HDAC9: variants seen among roughly 807,000 people sequenced by gnomAD.
HDAC9 encodes the protein histone deacetylase 9, also known as MEF-2 interacting transcription repressor (MITR) protein.
A neutral mutation model predicts 139.4 loss-of-function variants in HDAC9; 41 were observed. The ratio of observed to expected loss-of-function variants is 0.29; its 90% CI spans 0.23 to 0.38. The LOEUF (loss-of-function observed/expected upper bound fraction) is 0.38, where lower values mean the gene tolerates loss of function less well. HDAC9 is among the 10% of genes least tolerant of loss of function. The probability of loss-of-function intolerance (pLI) is 1.00; values close to 1 mark genes in which losing one functional copy is unlikely to be tolerated. For missense variants in HDAC9, 1,147 were observed against 1,297.0 expected, an observed-to-expected ratio of 0.88 and a Z score of 1.78; for synonymous variants, 517 against 476.2, an observed-to-expected ratio of 1.09 and a Z score of -1.12.
At chr7:18,101,099 G>T (rs1782829045) in intron 1 of HDAC9, among the ~76,000 whole-genome samples, 1 of 152,072 alleles carries the variant, frequency 6.6e-6, no homozygotes, top group Non-Finnish European at 1.5e-5. Flanking sequence ...TCACATCTGT[G>T]TCCTGATCAT....
At chr7:18,288,682 C>T (rs576178160), upstream of HDAC9, among the ~76,000 whole-genome samples, 3 of 152,040 alleles carry the variant, frequency 2.0e-5, no homozygotes, top group Admixed American at 2.0e-4. Flanking sequence ...TTACAAAATA[C>T]TTGTTTTTAA....
intron 25 of HDAC9, among the ~76,000 whole-genome samples, chr7:18,979,690 G>A (rs962133389): frequency 2.6e-5 from 4 of 152,260 alleles, no homozygotes; most frequent in Non-Finnish European, 5.9e-5. Context: ...AGAGGCCTCA[G>A]GAAGCTTAAA....
At chr7:18,578,038 C>G in intron 2 of HDAC9, 1 of 450,446 alleles carries the variant, frequency 2.2e-6, no homozygotes, top group Admixed American at 2.3e-5. Flanking sequence ...TATCTCCATC[C>G]CCACCAGCTT....
intron 1 of HDAC9, among the ~76,000 whole-genome samples, chr7:18,339,617 A>G (rs1307216683): frequency 6.6e-6 from 1 of 151,514 alleles, no homozygotes; most frequent in Non-Finnish European, 1.5e-5. Flanking sequence ...TAAAAATAAC[A>G]TATTTCCTAT....
intron 1 of HDAC9, among the ~76,000 whole-genome samples, chr7:18,136,846 C>T (rs1398832526): frequency 1.3e-5 from 2 of 151,938 alleles, no homozygotes; most frequent in Non-Finnish European, 1.5e-5. Flanking sequence ...TGAAGAAAGG[C>T]ATTGGTAGCT....
intron 12 of HDAC9, among the ~76,000 whole-genome samples, chr7:18,700,406 A>G (rs1438415072): frequency 6.6e-6 from 1 of 152,168 alleles, no homozygotes; most frequent in African/African-American, 2.4e-5. Context: ...CCATTCTAGA[A>G]TTTAGTTTCC....
intron 13 of HDAC9, among the ~76,000 whole-genome samples, chr7:18,735,253 G>A (rs1164070843): frequency 6.6e-6 from 1 of 152,144 alleles, no homozygotes; most frequent in African/African-American, 2.4e-5. Context: ...GATCCCATTC[G>A]TCTATTTTGG....
intron 2 of HDAC9, among the ~76,000 whole-genome samples, chr7:18,565,378 G>T (rs1821966279): frequency 6.6e-6 from 1 of 152,162 alleles, no homozygotes; most frequent in Non-Finnish European, 1.5e-5. Context: ...TTTTCAAAGG[G>T]TAGAGAATTT....
intron 2 of HDAC9, among the ~76,000 whole-genome samples, chr7:18,281,733 G>A (rs954985532): frequency 3.3e-5 from 5 of 152,156 alleles, no homozygotes; most frequent in Non-Finnish European, 4.4e-5. Flanking sequence ...CTGACTTGAA[G>A]ACTAAAATTT....
chr7:18,166,087 T>G (rs1787995332), intron 2 of HDAC9, among the ~76,000 whole-genome samples: 1 of 152,206 alleles, frequency 6.6e-6, no homozygotes, highest in Admixed American at 6.5e-5. Context: ...TAACATGATT[T>G]TTAAATTTGA....
At chr7:18,581,338 T>C (rs1197863556) in intron 2 of HDAC9, among the ~76,000 whole-genome samples, 1 of 152,084 alleles carries the variant, frequency 6.6e-6, no homozygotes, top group Non-Finnish European at 1.5e-5. Context: ...TTTTTGTAAG[T>C]TGAGGGTGAT....
At chr7:18,723,240 A>G (rs1428061996) in intron 12 of HDAC9, among the ~76,000 whole-genome samples, 1 of 152,156 alleles carries the variant, frequency 6.6e-6, no homozygotes, top group Non-Finnish European at 1.5e-5. Context: ...CTCTCTCCTT[A>G]TTATGCATTC....
At chr7:18,175,164 C>T (rs540627065) in intron 2 of HDAC9, among the ~76,000 whole-genome samples, 12 of 152,306 alleles carry the variant, frequency 7.9e-5, no homozygotes, top group East Asian at 5.8e-4. Flanking sequence ...TCAGCAGTGG[C>T]GGACACCCCT....
chr7:18,590,568 T>G, intron 4 of HDAC9, 82 bp downstream of exon 4: 1 of 1,393,800 alleles, frequency 7.2e-7, no homozygotes, highest in Non-Finnish European at 9.7e-7. Context: ...TGATAAAGAG[T>G]GCGGTTAGAC....
In HDAC9 at chr7:18,666,115, A is replaced by T. The variant is rs1436385227; in HGVS notation, c.1468-98A>T. ...CTGAAATTTATGTTCAATGATTAGA[A>T]ATCACAGTGTATGAGTTATTAGAAA... On this transcript the variant is annotated intron_variant, in intron 11 of 25. Transcript: ENST00000686413. The T allele has an allele frequency of 6.4e-6, 8 of 1,256,274 alleles. No homozygotes were observed. In the Admixed American group the frequency reaches 7.1e-5, roughly 11 times the overall value. 77.8% of individuals were successfully genotyped at this position (1,256,274 alleles called of 1,614,324 possible). A position where few individuals can be genotyped will look rare whatever the true frequency, so the allele number is the denominator to read the frequency against.
At chr7:18,135,769 G>C (rs1035320076) in intron 1 of HDAC9, among the ~76,000 whole-genome samples, 3 of 149,056 alleles carry the variant, frequency 2.0e-5, no homozygotes, top group Non-Finnish European at 4.4e-5. Flanking sequence ...ACATACGTGT[G>C]CATGTGTCTT....
chr7:18,540,352 C>T (rs970174731), intron 2 of HDAC9, among the ~76,000 whole-genome samples: 22 of 149,038 alleles, frequency 1.5e-4, no homozygotes, highest in South Asian at 4.3e-4. Context: ...TTACATATAA[C>T]ACTGTCATCA....
At chr7:18,264,872 A>C (rs1167176772) in intron 2 of HDAC9, among the ~76,000 whole-genome samples, 2 of 152,218 alleles carry the variant, frequency 1.3e-5, no homozygotes, top group Non-Finnish European at 2.9e-5. Flanking sequence ...TTAGCTATCT[A>C]TACTTTTAAA....
At chr7:18,857,681 A>G (rs1479825321) in intron 21 of HDAC9, among the ~76,000 whole-genome samples, 21 of 152,140 alleles carry the variant, frequency 1.4e-4, no homozygotes, top group Admixed American at 1.4e-3. Context: ...TATAGGAATC[A>G]TAGGAATCTG....
Sources: allele counts gnomAD v4.1 joint callset (sites outside exome capture counted in the v4.1 genomes callset), GRCh38; gene constraint gnomAD v4.1.1; transcripts MANE v1.5; gene names NCBI Gene and HGNC (gene_info 2026-07-23, HGNC 2026-07-21).